ELOVL2: variants seen among roughly 807,000 people sequenced by gnomAD.
ELOVL2 encodes ELOVL fatty acid elongase 2.
ELOVL2 carries 38 observed loss-of-function variants against 37.7 expected under a neutral mutation model. That is an observed-to-expected ratio of 1.01 (90% CI 0.78 to 1.32). The LOEUF (loss-of-function observed/expected upper bound fraction) is 1.32, where lower values mean the gene tolerates loss of function less well. ELOVL2 is among the 40% of genes most tolerant of loss of function. The pLI is 0.00. For synonymous variants in ELOVL2, 115 were observed against 122.3 expected (o/e 0.94, Z 0.40); for missense variants, 352 against 363.6 (o/e 0.97, Z 0.26).
chr6:10,995,118 A>C lies in ELOVL2; in HGVS notation c.394T>G (p.Phe132Val), dbSNP rs542625138. 1 of 1,613,714 alleles carries C rather than the reference A, an allele frequency of 6.2e-7. No homozygotes were observed. Among genetic ancestry groups the C allele is most frequent in the East Asian group, 2.2e-5 (1 of 44,876 alleles). ...SKSVEFLDTI[F>V]FVLRKKTSQI... ...CTCGTTTTTTTCCGCAAAACGAAGA[A>C]AATTGTGTCCAGGAACTCTACTGAT... The change falls in exon 5 of 8, where the codon TTC becomes GTC. Residue 132 changes from phenylalanine to valine, a missense_variant. Transcript: ENST00000354666.
chr6:11,030,597 T>C (rs9468279), intron 1 of ELOVL2, among the ~76,000 whole-genome samples: 3,579 of 152,176 alleles, frequency 0.024, 154 homozygotes, highest in East Asian at 0.19. Flanking sequence ...GTTCATGCCA[T>C]TCTCCTGCCT....
At chr6:11,040,341 C>G (rs1581885127) in intron 1 of ELOVL2, among the ~76,000 whole-genome samples, 1 of 152,052 alleles carries the variant, frequency 6.6e-6, no homozygotes, top group Non-Finnish European at 1.5e-5. Context: ...TTGTCCAATA[C>G]GGTAGCCTCT....
rs977322008 is a variant in ELOVL2, at chr6:11,031,096, A to G, written c.3+13132T>C. Among the ~76,000 whole-genome samples, 54 of 152,242 alleles carry G rather than the reference A, an allele frequency of 3.5e-4. 1 individual carries two copies. The highest frequency in any genetic ancestry group is 1.3e-3 in the African/African-American group (54 of 41,544). ...CATTCAAGATTTTTTTTTGAGATCTATTCATGTTGACACGGCAGCTCTGGC... is the reference window on the plus strand; with the variant it reads ...CATTCAAGATTTTTTTTTGAGATCTGTTCATGTTGACACGGCAGCTCTGGC... On this transcript the variant is annotated intron_variant, in intron 1 of 7. Transcript: ENST00000354666.
At chr6:11,043,224 A>G (rs1783129970) in intron 1 of ELOVL2, among the ~76,000 whole-genome samples, 1 of 152,178 alleles carries the variant, frequency 6.6e-6, no homozygotes, top group African/African-American at 2.4e-5. Context: ...AAGTGGAGAG[A>G]AAACCCTACG....
At chr6:10,987,693 C>T (rs901061401) in intron 7 of ELOVL2, among the ~76,000 whole-genome samples, 2 of 152,068 alleles carry the variant, frequency 1.3e-5, no homozygotes, top group Non-Finnish European at 2.9e-5. Context: ...TTAGAGGTCA[C>T]GATTTGTATA....
At chr6:11,043,207 A>C (rs1233834078) in intron 1 of ELOVL2, among the ~76,000 whole-genome samples, 1 of 152,168 alleles carries the variant, frequency 6.6e-6, no homozygotes, top group Non-Finnish European at 1.5e-5. Flanking sequence ...TATTTTAACA[A>C]GTCCTGAAGT....
At chr6:11,028,995 C>T (rs1782877697) in intron 1 of ELOVL2, among the ~76,000 whole-genome samples, 1 of 138,778 alleles carries the variant, frequency 7.2e-6, no homozygotes, top group South Asian at 2.3e-4. Context: ...TGGGGCATCA[C>T]TTAAGGCTAT....
At chr6:10,998,807 C>T (rs976159547) in intron 4 of ELOVL2, among the ~76,000 whole-genome samples, 1 of 152,096 alleles carries the variant, frequency 6.6e-6, no homozygotes, top group Non-Finnish European at 1.5e-5. Context: ...AATCACTGCT[C>T]GTTGTACTGG....
intron 3 of ELOVL2, among the ~76,000 whole-genome samples, chr6:11,004,716 G>A (rs1260603298): frequency 2.6e-5 from 4 of 152,148 alleles, no homozygotes; most frequent in South Asian, 2.1e-4. Flanking sequence ...TAAAATACTC[G>A]GTTAATCACT....
At chr6:11,043,404 A>AACACACACACACACACACACACACACAC (rs34656289) in intron 1 of ELOVL2, 3 of 115,008 alleles carry the variant, frequency 2.6e-5, no homozygotes, top group South Asian at 3.5e-4. Flanking sequence ...GACACGGGTG[A>AACACACACACACACACACACACACACAC]ACACACACAC....
At chr6:11,023,792 C>T (rs969380110) in intron 1 of ELOVL2, among the ~76,000 whole-genome samples, 1 of 152,140 alleles carries the variant, frequency 6.6e-6, no homozygotes, top group Non-Finnish European at 1.5e-5. Context: ...TCTCCCTCAG[C>T]ATTTAAATCT....
In ELOVL2 at chr6:11,010,749, G is replaced by A. The variant is rs549943899; in HGVS notation, c.64C>T (p.Arg22Ter). 9 of 1,611,938 alleles carry A rather than the reference G, an allele frequency of 5.6e-6. No individual in the cohort carries two copies. The highest frequency in any genetic ancestry group is 4.0e-5 in the African/African-American group (3 of 74,906). The change falls in exon 2 of 8, where the codon CGA becomes TGA. Residue 22 changes from arginine to a stop codon, truncating the protein, a stop_gained. Transcript: ENST00000354666. LOFTEE classifies it high-confidence loss of function. The part of the protein sequence containing the change: ...NAFLDNMFGP[R>*]DSRVRGWFML... ...AGTTCTCAAGTAATTCACTGACCTCGCGGTCCAAACATATTGTCCAAAAAA... is the reference window on the plus strand; with the variant it reads ...AGTTCTCAAGTAATTCACTGACCTCACGGTCCAAACATATTGTCCAAAAAA...
At chr6:11,030,068 A>C (rs2113556803) in intron 1 of ELOVL2, among the ~76,000 whole-genome samples, 1 of 152,356 alleles carries the variant, frequency 6.6e-6, no homozygotes. Flanking sequence ...AATTGGTTGC[A>C]GCTATTGTTG....
At chr6:11,033,615 T>A (rs1782965436) in intron 1 of ELOVL2, among the ~76,000 whole-genome samples, 1 of 152,218 alleles carries the variant, frequency 6.6e-6, no homozygotes, top group Non-Finnish European at 1.5e-5. Flanking sequence ...TATGAGTGCA[T>A]AAGTGAGAAC....
chr6:11,003,089 A>T (rs1782419108), intron 3 of ELOVL2, among the ~76,000 whole-genome samples: 1 of 152,214 alleles, frequency 6.6e-6, no homozygotes, highest in South Asian at 2.1e-4. Context: ...CAGGTACTAG[A>T]ACTGCTGGTG....
chr6:11,000,378 C>T (rs1212351176), intron 3 of ELOVL2, among the ~76,000 whole-genome samples: 1 of 152,132 alleles, frequency 6.6e-6, no homozygotes, highest in Non-Finnish European at 1.5e-5. Flanking sequence ...CCTTAATTAA[C>T]ATATGTTACC....
At chr6:10,992,809 A>AAAAAC (rs1407547952) in intron 5 of ELOVL2, among the ~76,000 whole-genome samples, 6 of 150,360 alleles carry the variant, frequency 4.0e-5, no homozygotes, top group Admixed American at 1.3e-4. Context: ...ACAAAAAAAA[A>AAAAAC]CAAAAAAAAA....
At chr6:10,989,496 TACA>T (rs1205453386) in intron 7 of ELOVL2, among the ~76,000 whole-genome samples, 2 of 152,032 alleles carry the variant, frequency 1.3e-5, no homozygotes, top group African/African-American at 2.4e-5. Flanking sequence ...GTACTAAAAA[TACA>T]ACAATTAGCC....
At chr6:11,010,845 T>C in intron 1 of ELOVL2, 36 bp from the exon 2 acceptor site, 2 of 1,538,294 alleles carry the variant, frequency 1.3e-6, no homozygotes, top group Non-Finnish European at 1.8e-6. Flanking sequence ...TAAGTGTTTT[T>C]TTCTTCTTTT....
Sources: allele counts gnomAD v4.1 joint callset (sites outside exome capture counted in the v4.1 genomes callset), GRCh38; gene constraint gnomAD v4.1.1; transcripts MANE v1.5; gene names NCBI Gene and HGNC (gene_info 2026-07-23, HGNC 2026-07-21).